ETV6: variants seen among roughly 807,000 people sequenced by gnomAD.
ETV6 encodes the protein transcription factor ETV6.
A neutral mutation model predicts 51.1 loss-of-function variants in ETV6; 16 were observed. The ratio of observed to expected loss-of-function variants is 0.31; its 90% confidence interval spans 0.21 to 0.48. The LOEUF is 0.48. Among genes scored for constraint, ETV6 ranks in the 20% least tolerant of loss-of-function variants. The probability of loss-of-function intolerance (pLI) is 0.99; values close to 1 mark genes in which losing one functional copy is unlikely to be tolerated. For missense variants in ETV6, 458 were observed against 594.8 expected, an observed-to-expected ratio of 0.77 and a Z score of 2.39; for synonymous variants, 240 against 224.1, an observed-to-expected ratio of 1.07 and a Z score of -0.64.
chr12:11,669,222 C>T (rs956291478), intron 1 of ETV6, among the ~76,000 whole-genome samples: 4 of 152,140 alleles, frequency 2.6e-5, no homozygotes, highest in Admixed American at 1.3e-4. Flanking sequence ...CCATAAGGTG[C>T]GCAGTTGCCA....
chr12:11,708,081 A>G (rs1386434034), intron 1 of ETV6, among the ~76,000 whole-genome samples: 3 of 152,162 alleles, frequency 2.0e-5, no homozygotes, highest in Non-Finnish European at 4.4e-5. Flanking sequence ...CTCTGTGGTG[A>G]GCATACGTCG....
chr12:11,708,102 A>C lies in ETV6; in HGVS notation c.34-44348A>C, dbSNP rs1036544012. ...GGTGAGCATACGTCGAAAGCTGTACATTTCCTTCAGGGTAACCTTTGTTTC... is the reference window on the plus strand; with the variant it reads ...GGTGAGCATACGTCGAAAGCTGTACCTTTCCTTCAGGGTAACCTTTGTTTC... On this transcript the variant is annotated intron_variant, in intron 1 of 7. Coordinates refer to ENST00000396373, the MANE Select transcript of ETV6 (RefSeq NM_001987.5). Among the ~76,000 whole-genome samples the C allele has an allele frequency of 2.6e-5, 4 of 152,118 alleles. No individual in the cohort carries two copies. The East Asian group carries it at 5.8e-4, about 22-fold the overall frequency.
At chr12:11,709,517 C>A (rs1356508002) in intron 1 of ETV6, among the ~76,000 whole-genome samples, 4 of 152,112 alleles carry the variant, frequency 2.6e-5, no homozygotes, top group African/African-American at 9.7e-5. Flanking sequence ...CTCATGTTTT[C>A]TTTGGAAATC....
intron 2 of ETV6, among the ~76,000 whole-genome samples, chr12:11,833,131 G>A (rs2136455243): frequency 6.6e-6 from 1 of 152,320 alleles, no homozygotes; most frequent in African/African-American, 2.4e-5. Context: ...TGTTCAGGTA[G>A]GGTGAGATTA....
intron 1 of ETV6, among the ~76,000 whole-genome samples, chr12:11,687,543 G>T (rs17817634): frequency 0.056 from 8,582 of 152,120 alleles, 327 homozygotes; most frequent in East Asian, 0.2. Context: ...AATCACTCAT[G>T]TATCAAGATT....
chr12:11,874,884 C>T (rs952737276), intron 5 of ETV6, among the ~76,000 whole-genome samples: 7 of 126,180 alleles, frequency 5.5e-5, no homozygotes, highest in Admixed American at 9.3e-5. Context: ...CATCACACAC[C>T]GGGTCCTGTT....
intron 1 of ETV6, among the ~76,000 whole-genome samples, chr12:11,666,915 C>A (rs1289026739): frequency 6.6e-6 from 1 of 152,218 alleles, no homozygotes; most frequent in East Asian, 1.9e-4. Context: ...CCTGTCTGTC[C>A]ACTCAGGGCA....
intron 2 of ETV6, among the ~76,000 whole-genome samples, chr12:11,817,026 A>T (rs1946003980): frequency 6.6e-6 from 1 of 152,264 alleles, no homozygotes; most frequent in African/African-American, 2.4e-5. Flanking sequence ...GCCTCTGGTG[A>T]TGTGCTGTGA....
At chr12:11,818,793 C>T (rs1198881128) in intron 2 of ETV6, among the ~76,000 whole-genome samples, 1 of 152,070 alleles carries the variant, frequency 6.6e-6, no homozygotes, top group African/African-American at 2.4e-5. Flanking sequence ...GTCCCTCCTA[C>T]CCCTGCAGCC....
At chr12:11,755,662 A>G (rs1207759090) in intron 2 of ETV6, among the ~76,000 whole-genome samples, 2 of 152,206 alleles carry the variant, frequency 1.3e-5, no homozygotes, top group Non-Finnish European at 2.9e-5. Flanking sequence ...AAAAGAAAAT[A>G]AATATTCTAA....
Position 11,660,631 on chromosome 12 carries a change from A to T in ETV6, c.33+10471A>T, listed in dbSNP as rs986477871. 2.7e-5 allele frequency among the ~76,000 whole-genome samples: 4 copies of T among 149,508 alleles called. No homozygotes were observed. The East Asian group carries it at 7.8e-4, about 29-fold the overall frequency. On this transcript the variant is annotated intron_variant, in intron 1 of 7. Transcript: ENST00000396373. ...AAAAAAAAAAAGGGAGATGGGGGAC[A>T]TGGTGGGAATTTGCTAAGCTCTTTT...
intron 1 of ETV6, among the ~76,000 whole-genome samples, chr12:11,732,547 C>T (rs982282073): frequency 6.6e-6 from 1 of 152,206 alleles, no homozygotes; most frequent in Admixed American, 6.5e-5. Context: ...AACCTTTTCA[C>T]CGACTTGGGG....
intron 1 of ETV6, among the ~76,000 whole-genome samples, chr12:11,701,501 T>C (rs1169642325): frequency 6.6e-6 from 1 of 152,196 alleles, no homozygotes; most frequent in African/African-American, 2.4e-5. Flanking sequence ...AGAGTTTAAG[T>C]GTTTTTAGTC....
At chr12:11,725,209 T>C (rs1865467136) in intron 1 of ETV6, among the ~76,000 whole-genome samples, 1 of 151,882 alleles carries the variant, frequency 6.6e-6, no homozygotes, top group Admixed American at 6.5e-5. Flanking sequence ...TGAGTACTTA[T>C]ATGTCATGCT....
intron 2 of ETV6, among the ~76,000 whole-genome samples, chr12:11,827,901 T>G (rs1053949962): frequency 1.3e-5 from 2 of 152,240 alleles, no homozygotes; most frequent in African/African-American, 4.8e-5. Context: ...AGAGTATCCA[T>G]GTTCTGTGAA....
intron 1 of ETV6, among the ~76,000 whole-genome samples, chr12:11,673,461 A>C (rs1864357937): frequency 6.6e-6 from 1 of 152,216 alleles, no homozygotes; most frequent in African/African-American, 2.4e-5. Context: ...CAGGTATCTG[A>C]GGAGAGACCA....
chr12:11,811,889 G>C (rs1216486752), intron 2 of ETV6, among the ~76,000 whole-genome samples: 1 of 152,142 alleles, frequency 6.6e-6, no homozygotes, highest in Admixed American at 6.5e-5. Context: ...TGCTGGTCCT[G>C]CTATTTTATG....
At chr12:11,791,590 G>A (rs1450823621) in intron 2 of ETV6, among the ~76,000 whole-genome samples, 1 of 152,184 alleles carries the variant, frequency 6.6e-6, no homozygotes, top group African/African-American at 2.4e-5. Flanking sequence ...TCCAGTTGAT[G>A]AAAACAAATT....
At chr12:11,713,638 A>G (rs1039454324) in intron 1 of ETV6, among the ~76,000 whole-genome samples, 6 of 152,170 alleles carry the variant, frequency 3.9e-5, no homozygotes, top group African/African-American at 1.4e-4. Context: ...TGAGCACCTT[A>G]TAGAAAATAA....
Sources: allele counts gnomAD v4.1 joint callset (sites outside exome capture counted in the v4.1 genomes callset), GRCh38; gene constraint gnomAD v4.1.1; transcripts MANE v1.5; gene names NCBI Gene and HGNC (gene_info 2026-07-23, HGNC 2026-07-21).